ZNF678: variants seen among roughly 807,000 people sequenced by gnomAD.
ZNF678 encodes the protein hypothetical protein MGC42493.
In ZNF678, 5 loss-of-function variants were observed where a neutral mutation model predicts 3.0. The observed-to-expected ratio is 1.69, with a 90% confidence interval of 0.88 to 3.56. ZNF678 has a LOEUF of 3.56. Ranked by LOEUF, ZNF678 falls within the 30% of genes most tolerant of loss-of-function variation. The pLI is 0.00. For synonymous variants in ZNF678, 218 were observed against 199.6 expected, an observed-to-expected ratio of 1.09 and a Z score of -0.78; for missense variants, 593 against 605.0, an observed-to-expected ratio of 0.98 and a Z score of 0.21.
chr1:227,569,394 TTATC>T lies in ZNF678; in HGVS notation c.-164+5673_-164+5676del, dbSNP rs144444241. On this transcript the variant is annotated intron_variant, in intron 1 of 3. Coordinates refer to ENST00000343776, the MANE Select transcript of ZNF678 (RefSeq NM_001367909.1). ...CATTCTTTTTAACTCATGGTTGTCT[TTATC>T]TAAGACCTGGATTCTGTTGCATTGT... Among the ~76,000 whole-genome samples the T allele has an allele frequency of 4.1e-3, 619 of 152,340 alleles. 6 individuals carry two copies. Among genetic ancestry groups the T allele is most frequent in the African/African-American group, 0.014 (588 of 41,564 alleles).
chr1:227,654,884 G>C lies in ZNF678; in HGVS notation c.634G>C (p.Glu212Gln). The C allele has an allele frequency of 6.2e-7, 1 of 1,608,608 alleles. No individual in the cohort carries two copies. The highest frequency in any genetic ancestry group is 1.1e-5 in the South Asian group (1 of 90,880). ...IHSGEKPYPCEECGKAFTQFS... is the reference protein window; with the variant it reads ...IHSGEKPYPCQECGKAFTQFS... Reference sequence around the variant, plus strand: ...TAGTGGAGAGAAACCATACCCATGTGAAGAATGTGGCAAAGCCTTTACCCA... The same window carrying C: ...TAGTGGAGAGAAACCATACCCATGTCAAGAATGTGGCAAAGCCTTTACCCA... Residue 212 changes from glutamate to glutamine, a missense_variant, in exon 4 of 4, where the codon GAA becomes CAA. Coordinates refer to ENST00000343776, the MANE Select transcript of ZNF678 (RefSeq NM_001367909.1).
intron 1 of ZNF678, among the ~76,000 whole-genome samples, chr1:227,586,843 G>A (rs1164344127): frequency 1.3e-5 from 2 of 152,158 alleles, no homozygotes; most frequent in Non-Finnish European, 2.9e-5. Flanking sequence ...CCCTCATCAA[G>A]GTGGTGATCA....
At chr1:227,673,831 A>G (rs1659638597) in intron 5 of ZNF678, among the ~76,000 whole-genome samples, 1 of 152,234 alleles carries the variant, frequency 6.6e-6, no homozygotes, top group Non-Finnish European at 1.5e-5. Flanking sequence ...TTGAAATGGA[A>G]AAGGTAATTG....
intron 2 of ZNF678, among the ~76,000 whole-genome samples, chr1:227,649,076 G>T (rs1659026712): frequency 6.6e-6 from 1 of 151,712 alleles, no homozygotes; most frequent in Non-Finnish European, 1.5e-5. Flanking sequence ...ATTTTATTGT[G>T]TATGTAAACC....
chr1:227,628,327 G>A (rs1263562733), intron 1 of ZNF678, among the ~76,000 whole-genome samples: 2 of 152,002 alleles, frequency 1.3e-5, no homozygotes, highest in Non-Finnish European at 2.9e-5. Context: ...GAAAAGTCTT[G>A]CTCCATTGGC....
At chr1:227,604,027 G>A (rs1571879985) in intron 1 of ZNF678, among the ~76,000 whole-genome samples, 2 of 152,300 alleles carry the variant, frequency 1.3e-5, no homozygotes, top group East Asian at 3.9e-4. Flanking sequence ...CATTTTGATG[G>A]CCAAATAGGA....
At chr1:227,626,188 G>A (rs1199589183) in intron 1 of ZNF678, among the ~76,000 whole-genome samples, 2 of 152,110 alleles carry the variant, frequency 1.3e-5, no homozygotes, top group Non-Finnish European at 2.9e-5. Flanking sequence ...GGCGATCTAC[G>A]ATTGTAGTTA....
At chr1:227,678,912 T>C (rs1007972820), downstream of ZNF678, among the ~76,000 whole-genome samples, 1 of 152,206 alleles carries the variant, frequency 6.6e-6, no homozygotes, top group Admixed American at 6.5e-5. Flanking sequence ...GTAGCTTTAA[T>C]CCTTACATCT....
At chr1:227,640,561 A>G (rs1658794403) in intron 1 of ZNF678, among the ~76,000 whole-genome samples, 1 of 152,184 alleles carries the variant, frequency 6.6e-6, no homozygotes, top group African/African-American at 2.4e-5. Context: ...AGGCCCAGAC[A>G]TAAGGAATTT....
In ZNF678 at chr1:227,627,411, G is replaced by A. The variant is rs1262364083; in HGVS notation, c.-163-19133G>A. Among the ~76,000 whole-genome samples, 2 of 152,006 alleles carry A rather than the reference G, an allele frequency of 1.3e-5. 1 individual carries two copies. The highest frequency in any genetic ancestry group is 4.1e-4 in the South Asian group (2 of 4,820). ...CCCTGTACTAGGGGTCCTTCTATAA[G>A]CATTTCTAATGGAGGGTCCCGCCTT... is the stretch of plus-strand genomic sequence containing the variant. On this transcript the variant is annotated intron_variant, in intron 1 of 3. Transcript: ENST00000343776.
chr1:227,564,785 G>T (rs906379908), intron 1 of ZNF678, among the ~76,000 whole-genome samples: 6 of 152,280 alleles, frequency 3.9e-5, no homozygotes, highest in African/African-American at 1.4e-4. Context: ...AGGCTGTAGT[G>T]CAGTGGCGCG....
chr1:227,602,714 A>T (rs1657765996), intron 1 of ZNF678, among the ~76,000 whole-genome samples: 1 of 152,220 alleles, frequency 6.6e-6, no homozygotes, highest in African/African-American at 2.4e-5. Flanking sequence ...TCCTCCTCCT[A>T]GCACTTTCCT....
intron 5 of ZNF678, among the ~76,000 whole-genome samples, chr1:227,669,766 T>C (rs899158809): frequency 6.6e-6 from 1 of 152,204 alleles, no homozygotes; most frequent in Non-Finnish European, 1.5e-5. Context: ...TGTAAATTAG[T>C]TCAGCCACTG....
chr1:227,603,671 G>A (rs1657792941), intron 1 of ZNF678, among the ~76,000 whole-genome samples: 1 of 152,224 alleles, frequency 6.6e-6, no homozygotes, highest in Non-Finnish European at 1.5e-5. Context: ...GTGGGAAGAT[G>A]TGGACTGGTG....
At chr1:227,597,200 A>G (rs1657614904) in intron 1 of ZNF678, among the ~76,000 whole-genome samples, 1 of 152,230 alleles carries the variant, frequency 6.6e-6, no homozygotes. Flanking sequence ...GGGTTTGGCT[A>G]GTTATCTGCA....
At chr1:227,641,708 C>A (rs143502407) in intron 1 of ZNF678, among the ~76,000 whole-genome samples, 3,065 of 151,798 alleles carry the variant, frequency 0.02, 42 homozygotes, top group Non-Finnish European at 0.03. Flanking sequence ...ATAGAAAGGT[C>A]TCTCTATTTG....
intron 1 of ZNF678, among the ~76,000 whole-genome samples, chr1:227,580,597 T>C (rs889370377): frequency 1.3e-5 from 2 of 152,132 alleles, no homozygotes; most frequent in Non-Finnish European, 2.9e-5. Context: ...TGAAAGTACA[T>C]GATAATTTAT....
intron 1 of ZNF678, among the ~76,000 whole-genome samples, chr1:227,581,563 C>T (rs1200654513): frequency 6.6e-6 from 1 of 152,134 alleles, no homozygotes; most frequent in Admixed American, 6.6e-5. Flanking sequence ...TTCGTTCACT[C>T]AACATTCTTA....
At chr1:227,652,043 T>A (rs1173588955) in intron 3 of ZNF678, among the ~76,000 whole-genome samples, 2 of 152,192 alleles carry the variant, frequency 1.3e-5, no homozygotes, top group Non-Finnish European at 2.9e-5. Flanking sequence ...TGGAATTTTT[T>A]AATAAACATA....
Sources: allele counts gnomAD v4.1 joint callset (sites outside exome capture counted in the v4.1 genomes callset), GRCh38; gene constraint gnomAD v4.1.1; transcripts MANE v1.5; gene names NCBI Gene and HGNC (gene_info 2026-07-23, HGNC 2026-07-21).